The following TUB variants were observed in gnomAD, a reference collection of about 807,000 sequenced individuals.
The protein encoded by TUB is TUB bipartite transcription factor.
In TUB, 33 loss-of-function variants were observed where a neutral mutation model predicts 59.7. That is an observed-to-expected ratio of 0.55 (90% CI 0.42 to 0.74). The LOEUF (loss-of-function observed/expected upper bound fraction) is 0.74. Among genes scored for constraint, TUB ranks in the 30% least tolerant of loss-of-function variants. The pLI is 0.00. For synonymous variants in TUB, 293 were observed against 256.4 expected, an observed-to-expected ratio of 1.14 and a Z score of -1.36; for missense variants, 659 against 672.0, an observed-to-expected ratio of 0.98 and a Z score of 0.21.
At chr11:8,080,951 C>T (rs1470775184), upstream of TUB, among the ~76,000 whole-genome samples, 8 of 152,348 alleles carry the variant, frequency 5.3e-5, no homozygotes, top group African/African-American at 1.9e-4. Flanking sequence ...GGCAGGTACA[C>T]AGGGAGGTGT....
At chr11:8,021,369 C>T (rs1942424057) in intron 1 of TUB, among the ~76,000 whole-genome samples, 1 of 152,132 alleles carries the variant, frequency 6.6e-6, no homozygotes, top group African/African-American at 2.4e-5. Context: ...ACTTGGGAGG[C>T]TGAGGCTGGA....
rs202093052 is a variant in TUB, at chr11:8,094,008, T to C, written c.254-38T>C. 243 of 1,613,850 alleles carry C rather than the reference T, an allele frequency of 1.5e-4. 2 individuals are homozygous for C. In the African/African-American group the frequency reaches 3.1e-3, roughly 20 times the overall value. ...GGGAGCTCTGGTCTCACCCACTGCC[T>C]GTTTCTCTCTCTCCATCTGGGGATG... On this transcript the variant is annotated intron_variant, in intron 3 of 11. Transcript: ENST00000299506.
intron 10 of TUB, 53 bp from the exon 11 acceptor site, chr11:8,100,773 G>A (rs1275333167): frequency 6.2e-7 from 1 of 1,603,926 alleles, no homozygotes; most frequent in Non-Finnish European, 8.5e-7. Context: ...CCTTTCTGGG[G>A]TGGTCATGGT....
At chr11:8,070,344 C>A (rs974406538) in intron 2 of TUB, among the ~76,000 whole-genome samples, 2 of 152,080 alleles carry the variant, frequency 1.3e-5, no homozygotes, top group Non-Finnish European at 2.9e-5. Context: ...ACAAATCAGT[C>A]TCATTGGTAT....
At chr11:8,062,808 A>G (rs1943158538) in intron 2 of TUB, among the ~76,000 whole-genome samples, 1 of 152,016 alleles carries the variant, frequency 6.6e-6, no homozygotes, top group African/African-American at 2.4e-5. Context: ...GGGGGAGGAA[A>G]CCACTGCTCT....
In TUB at chr11:8,101,652, C is replaced by G. The variant is rs758413286; in HGVS notation, c.*33C>G. 1 of 1,611,364 alleles carries G rather than the reference C, an allele frequency of 6.2e-7. No individual in the cohort carries two copies. Among genetic ancestry groups the G allele is most frequent in the South Asian group, 1.1e-5 (1 of 90,774 alleles). On this transcript the variant is annotated 3_prime_UTR_variant, in exon 12 of 12. Coordinates refer to ENST00000299506, the MANE Select transcript of TUB (RefSeq NM_177972.3). Reference sequence around the variant, plus strand: ...TTCGTGCCCTTTGGGGTTGCCCAGCCTGGAGCGGAGCTTGCCTGCCTGCCT... The same window carrying G: ...TTCGTGCCCTTTGGGGTTGCCCAGCGTGGAGCGGAGCTTGCCTGCCTGCCT...
chr11:8,037,962 C>T (rs545395421), upstream of TUB, among the ~76,000 whole-genome samples: 10 of 152,214 alleles, frequency 6.6e-5, no homozygotes, highest in South Asian at 2.1e-3. Flanking sequence ...AGAAGTGGCT[C>T]TAGGGAAGGT....
In TUB at chr11:8,086,415, C is replaced by G. The variant is rs71474961; in HGVS notation, c.39-3195C>G. On this transcript the variant is annotated intron_variant, in intron 1 of 11. Transcript: ENST00000299506. ...AGGGAACTGGGCCTATTGAGGAAGC[C>G]AGGGGAGCTTTTGGTGCTGCTCTTC... Among the ~76,000 whole-genome samples, 206 of 152,194 alleles carry G rather than the reference C, an allele frequency of 1.4e-3. 1 individual carries two copies. The highest frequency in any genetic ancestry group is 2.4e-3 in the Non-Finnish European group (165 of 67,990).
chr11:8,049,990 T>C (rs1445981845), intron 2 of TUB, among the ~76,000 whole-genome samples: 1 of 152,142 alleles, frequency 6.6e-6, no homozygotes, highest in Non-Finnish European at 1.5e-5. Flanking sequence ...TGAGCCCTTT[T>C]CTGATAAATG....
At chr11:8,049,000 G>A (rs1942884060) in intron 2 of TUB, among the ~76,000 whole-genome samples, 1 of 152,138 alleles carries the variant, frequency 6.6e-6, no homozygotes, top group Admixed American at 6.5e-5. Context: ...TACAGCTAAA[G>A]CTCAAAGTGG....
chr11:8,052,289 G>A lies in TUB; in HGVS notation c.203+12597G>A, dbSNP rs560160844. Among the ~76,000 whole-genome samples the A allele has an allele frequency of 6.6e-5, 10 of 152,262 alleles. No individual in the cohort carries two copies. The East Asian group carries it at 1.9e-3, about 29-fold the overall frequency. Reference sequence around the variant, plus strand: ...TGTCAATTTATTTGACAAAATTGCAGTTCCATACAGGAACAGGGGATGCAT... The same window carrying A: ...TGTCAATTTATTTGACAAAATTGCAATTCCATACAGGAACAGGGGATGCAT... On this transcript the variant is annotated intron_variant, in intron 2 of 12. Transcript: ENST00000305253.
chr11:8,081,415 G>A lies in TUB; in HGVS notation c.-96G>A. ...CCAGCGCCCCGGCCCGGGAGGATGCGGCCCGGGGCGGCCCGGGAGCTGAGC... is the reference window on the plus strand; with the variant it reads ...CCAGCGCCCCGGCCCGGGAGGATGCAGCCCGGGGCGGCCCGGGAGCTGAGC... On this transcript the variant is annotated 5_prime_UTR_variant, in exon 1 of 12. Coordinates refer to ENST00000299506, the MANE Select transcript of TUB (RefSeq NM_177972.3). The A allele has an allele frequency of 9.3e-7, 1 of 1,078,674 alleles. No individual in the cohort carries two copies. Among genetic ancestry groups the A allele is most frequent in the Non-Finnish European group, 1.1e-6 (1 of 891,310 alleles). 66.8% of individuals were successfully genotyped at this position (1,078,674 alleles called of 1,614,324 possible). A position where few individuals can be genotyped will look rare whatever the true frequency, so the allele number is the denominator to read the frequency against.
chr11:8,101,706 T>C lies in TUB; in HGVS notation c.*87T>C. On this transcript the variant is annotated 3_prime_UTR_variant, in exon 12 of 12. Transcript: ENST00000299506. Reference sequence around the variant, plus strand: ...GAGACAGCCCTGCCTATCCTCTGTATATAGGCCTTCCGCCAGATGAAGCTT... The same window carrying C: ...GAGACAGCCCTGCCTATCCTCTGTACATAGGCCTTCCGCCAGATGAAGCTT... The C allele has an allele frequency of 6.6e-7, 1 of 1,519,424 alleles. No homozygotes were observed. Among genetic ancestry groups the C allele is most frequent in the Non-Finnish European group, 8.8e-7 (1 of 1,131,394 alleles). 94.1% of individuals were successfully genotyped at this position (1,519,424 alleles called of 1,614,324 possible).
chr11:8,055,761 C>T (rs58666270), intron 2 of TUB, among the ~76,000 whole-genome samples: 24,234 of 152,198 alleles, frequency 0.16, 2,133 homozygotes, highest in African/African-American at 0.21. Context: ...CCTCTGCCAC[C>T]GCCTCAGTCT....
intron 2 of TUB, among the ~76,000 whole-genome samples, chr11:8,062,741 G>A (rs1415471524): frequency 1.3e-5 from 2 of 152,024 alleles, no homozygotes; most frequent in Non-Finnish European, 2.9e-5. Context: ...CTCTAGGGCA[G>A]GGCCCAGGAA....
chr11:8,078,610 A>G (rs762335202), upstream of TUB, among the ~76,000 whole-genome samples: 2 of 152,110 alleles, frequency 1.3e-5, no homozygotes, highest in East Asian at 1.9e-4. Flanking sequence ...ACACTCATGC[A>G]CTCCATAGAA....
chr11:8,085,316 A>G (rs972460394), intron 1 of TUB, among the ~76,000 whole-genome samples: 1 of 152,218 alleles, frequency 6.6e-6, no homozygotes, highest in Non-Finnish European at 1.5e-5. Context: ...GCAGTTCTGA[A>G]TGACCAAGTC....
At chr11:8,053,780 C>A (rs1201874639) in intron 2 of TUB, among the ~76,000 whole-genome samples, 1 of 146,142 alleles carries the variant, frequency 6.8e-6, no homozygotes, top group South Asian at 2.3e-4. Flanking sequence ...GGATTACAGG[C>A]GTGAGCCACC....
intron 1 of TUB, among the ~76,000 whole-genome samples, chr11:8,022,233 T>C (rs1942439727): frequency 6.6e-6 from 1 of 152,226 alleles, no homozygotes. Context: ...AAGACATAAA[T>C]ATTGAATTAT....
Sources: gnomAD v4.1 joint callset for allele counts (sites outside exome capture counted in the v4.1 genomes callset) on GRCh38, gnomAD v4.1.1 for gene constraint, MANE v1.5 for transcripts, NCBI Gene and HGNC (gene_info 2026-07-23, HGNC 2026-07-21) for gene names.